LIMS1: variants seen among roughly 807,000 people sequenced by gnomAD.
LIMS1 encodes LIM and senescent cell antigen-like-containing domain protein 1.
LIMS1 carries 18 observed loss-of-function variants against 44.1 expected under a neutral mutation model. The observed-to-expected ratio is 0.41, with a 90% confidence interval of 0.28 to 0.61. The LOEUF is 0.61. LIMS1 is among the 20% of genes least tolerant of loss of function. The pLI is 0.32. For synonymous variants in LIMS1, 93 were observed against 149.1 expected (o/e 0.62, Z 2.74); for missense variants, 201 against 422.0 (o/e 0.48, Z 4.59).
At chr2:108,612,893 G>T (rs568362040) in intron 1 of LIMS1, among the ~76,000 whole-genome samples, 7 of 152,300 alleles carry the variant, frequency 4.6e-5, no homozygotes, top group Admixed American at 4.6e-4. Context: ...GGGTTAGGTT[G>T]TCAGTGTTGA....
At chr2:108,683,342 C>T (rs1285892237) in intron 9 of LIMS1, among the ~76,000 whole-genome samples, 2 of 151,966 alleles carry the variant, frequency 1.3e-5, no homozygotes, top group Non-Finnish European at 2.9e-5. Flanking sequence ...AATGTGATTA[C>T]CATCCTAGGC....
intron 1 of LIMS1, among the ~76,000 whole-genome samples, chr2:108,582,646 C>T (rs1218546887): frequency 6.6e-6 from 1 of 152,016 alleles, no homozygotes; most frequent in Non-Finnish European, 1.5e-5. Context: ...CATGTGCCTG[C>T]AGTCCCAGCT....
At chr2:108,542,434 A>G (rs1327932670) in intron 1 of LIMS1, among the ~76,000 whole-genome samples, 1 of 152,202 alleles carries the variant, frequency 6.6e-6, no homozygotes, top group Admixed American at 6.5e-5. Context: ...AGATAAGGAA[A>G]CCAAGCTCAA....
At chr2:108,637,628 T>C (rs1156463693) in intron 1 of LIMS1, among the ~76,000 whole-genome samples, 2 of 152,182 alleles carry the variant, frequency 1.3e-5, no homozygotes, top group Non-Finnish European at 2.9e-5. Flanking sequence ...TGCCATTCTG[T>C]ATTGGAAACA....
At chr2:108,669,911 T>C (rs1390868029) in intron 2 of LIMS1, among the ~76,000 whole-genome samples, 1 of 152,208 alleles carries the variant, frequency 6.6e-6, no homozygotes, top group Non-Finnish European at 1.5e-5. Context: ...AAAATTAATA[T>C]TTGTGTCTTG....
intron 9 of LIMS1, chr2:108,681,058 G>A (rs1298721233): frequency 4.4e-5 from 57 of 1,291,750 alleles, no homozygotes; most frequent in East Asian, 3.9e-4. Flanking sequence ...CTTGCCAAAC[G>A]GGAGAGAGAA....
chr2:108,536,471 G>T (rs1171412214), intron 1 of LIMS1, among the ~76,000 whole-genome samples: 1 of 152,202 alleles, frequency 6.6e-6, no homozygotes. Context: ...GCTCAGTAGT[G>T]CTCCATGGTA....
chr2:108,554,801 G>A (rs1684868535), intron 1 of LIMS1, among the ~76,000 whole-genome samples: 1 of 152,124 alleles, frequency 6.6e-6, no homozygotes, highest in African/African-American at 2.4e-5. Context: ...TTTAGGTAAG[G>A]GACACACAAA....
At chr2:108,644,714 CATGTGCTAACCCA>C (rs1398596655) in intron 1 of LIMS1, among the ~76,000 whole-genome samples, 1 of 151,956 alleles carries the variant, frequency 6.6e-6, no homozygotes, top group Non-Finnish European at 1.5e-5. Context: ...GCTAAAGGAA[CATGTGCTAACCCA>C]ATGCAAGGAA....
At chr2:108,675,118 A>G (rs1032392472) in intron 5 of LIMS1, among the ~76,000 whole-genome samples, 4 of 152,030 alleles carry the variant, frequency 2.6e-5, no homozygotes, top group African/African-American at 4.8e-5. Context: ...TAGTCTCCCA[A>G]CTTCTCAGTT....
At chr2:108,585,634 T>C (rs546923075) in intron 1 of LIMS1, among the ~76,000 whole-genome samples, 2 of 152,182 alleles carry the variant, frequency 1.3e-5, no homozygotes, top group South Asian at 4.1e-4. Flanking sequence ...AAAGCCAAGG[T>C]CAGGCTGGGG....
chr2:108,588,937 G>A (rs1686239469), intron 1 of LIMS1, among the ~76,000 whole-genome samples: 1 of 152,174 alleles, frequency 6.6e-6, no homozygotes, highest in South Asian at 2.1e-4. Flanking sequence ...AAAAACAATT[G>A]ATAAACAGTA....
chr2:108,548,199 G>C (rs1373404992), intron 1 of LIMS1, among the ~76,000 whole-genome samples: 1 of 152,144 alleles, frequency 6.6e-6, no homozygotes, highest in African/African-American at 2.4e-5. Flanking sequence ...AGGTTACCTG[G>C]TTAATAAGAT....
At chr2:108,549,906 A>G (rs1456637848) in intron 1 of LIMS1, among the ~76,000 whole-genome samples, 1 of 152,204 alleles carries the variant, frequency 6.6e-6, no homozygotes, top group African/African-American at 2.4e-5. Context: ...TTTGTTAATC[A>G]AATCTAAGAA....
intron 1 of LIMS1, among the ~76,000 whole-genome samples, chr2:108,553,781 A>G (rs1045861607): frequency 6.6e-6 from 1 of 152,138 alleles, no homozygotes; most frequent in Admixed American, 6.5e-5. Flanking sequence ...TGGACATTAG[A>G]GTATATGGAG....
At position 108,583,852 on chromosome 2, in the gene LIMS1, G is replaced by A. The variant is rs532348162; in HGVS notation, c.32+49258G>A. On this transcript the variant is annotated intron_variant, in intron 1 of 9. Transcript: ENST00000544547. Reference sequence around the variant, plus strand: ...TGGGACCACAGGCGCCCACCACCACGCCTGGCTAACTTGTATTTTTTAGTA... The same window carrying A: ...TGGGACCACAGGCGCCCACCACCACACCTGGCTAACTTGTATTTTTTAGTA... 3.9e-5 allele frequency among the ~76,000 whole-genome samples: 6 copies of A among 151,950 alleles called. No individual in the cohort carries two copies. The South Asian group carries it at 1.0e-3, about 26-fold the overall frequency.
chr2:108,637,416 C>T (rs1413490596), intron 1 of LIMS1, among the ~76,000 whole-genome samples: 2 of 152,174 alleles, frequency 1.3e-5, no homozygotes, highest in Non-Finnish European at 2.9e-5. Context: ...AAAACTCCCA[C>T]GGACTTCCCT....
intron 1 of LIMS1, among the ~76,000 whole-genome samples, chr2:108,650,304 A>C (rs1690375667): frequency 6.6e-6 from 1 of 152,244 alleles, no homozygotes; most frequent in African/African-American, 2.4e-5. Context: ...GTCCTCTTGA[A>C]AAAATAACAT....
intron 3 of LIMS1, among the ~76,000 whole-genome samples, chr2:108,671,294 A>C (rs963621033): frequency 3.9e-5 from 6 of 152,042 alleles, no homozygotes; most frequent in African/African-American, 1.2e-4. Context: ...CCTCTTCCCT[A>C]TTGTTAACAT....
Sources: gnomAD v4.1 joint callset for allele counts (sites outside exome capture counted in the v4.1 genomes callset) on GRCh38, gnomAD v4.1.1 for gene constraint, MANE v1.5 for transcripts, NCBI Gene and HGNC (gene_info 2026-07-23, HGNC 2026-07-21) for gene names.